The following PPP1R37 variants were observed in gnomAD, a reference collection of about 807,000 sequenced individuals.
The protein encoded by PPP1R37 is protein phosphatase 1 regulatory subunit 37.
In PPP1R37, 21 loss-of-function variants were observed where a neutral mutation model predicts 61.0. That is an observed-to-expected ratio of 0.34 (90% CI 0.24 to 0.50). The LOEUF (loss-of-function observed/expected upper bound fraction) is 0.50, where lower values mean the gene tolerates loss of function less well. Ranked by LOEUF, PPP1R37 falls within the 20% of genes least tolerant of loss-of-function variation. The pLI is 0.98. For missense variants in PPP1R37, 910 were observed against 952.7 expected, an observed-to-expected ratio of 0.96 and a Z score of 0.59; for synonymous variants, 443 against 433.5, an observed-to-expected ratio of 1.02 and a Z score of -0.27.
At chr19:45,097,622 G>C (rs541297202) in intron 1 of PPP1R37, among the ~76,000 whole-genome samples, 3 of 152,014 alleles carry the variant, frequency 2.0e-5, no homozygotes, top group Non-Finnish European at 4.4e-5. Context: ...GTGAGGGAGG[G>C]TCTCGAGCCT....
intron 1 of PPP1R37, among the ~76,000 whole-genome samples, chr19:45,096,784 T>C (rs1967998768): frequency 6.6e-6 from 1 of 152,060 alleles, no homozygotes. Flanking sequence ...ACTCACACTC[T>C]CGAGGAGTCC....
At chr19:45,143,739 C>T (rs1968644843) in intron 8 of PPP1R37, 106 bp downstream of exon 8, 1 of 623,048 alleles carries the variant, frequency 1.6e-6, no homozygotes, top group Non-Finnish European at 2.8e-6. Flanking sequence ...TCCTGCCCAT[C>T]CTGCAGGTTC....
At chr19:45,099,503 C>T (rs1188023923) in intron 1 of PPP1R37, among the ~76,000 whole-genome samples, 1 of 152,200 alleles carries the variant, frequency 6.6e-6, no homozygotes, top group East Asian at 1.9e-4. Flanking sequence ...ACCACCCCAG[C>T]CCCCTGCCCT....
rs566513854 is a variant in PPP1R37 at position 45,121,779 on chromosome 19, A to G, written c.203-16735A>G. On this transcript the variant is annotated intron_variant, in intron 1 of 12. Transcript: ENST00000221462. The surrounding 1 kb of genome is among the most constrained non-coding windows in gnomAD (Gnocchi z 4.2). ...TGGACTTAGAAATCTGGGTTTGACT[A>G]CATATCAGGCTGCCCTGGGGCCCCT... 1.3e-5 allele frequency among the ~76,000 whole-genome samples: 2 copies of G among 152,308 alleles called. No individual in the cohort carries two copies. The highest frequency in any genetic ancestry group is 4.1e-4 in the South Asian group (2 of 4,824).
intron 1 of PPP1R37, among the ~76,000 whole-genome samples, chr19:45,117,795 A>C (rs576073029): frequency 6.6e-6 from 1 of 152,310 alleles, no homozygotes; most frequent in Admixed American, 6.5e-5. Flanking sequence ...ATGAGGCCGC[A>C]GAGTTAGTCT....
Position 45,121,686 on chromosome 19 carries a change from G to A in PPP1R37, c.203-16828G>A, listed in dbSNP as rs900849505. On this transcript the variant is annotated intron_variant, in intron 1 of 12. Coordinates refer to ENST00000221462, the MANE Select transcript of PPP1R37 (RefSeq NM_019121.2). This position sits in a 1 kb window ranked among gnomAD's most constrained non-coding sequence, Gnocchi z 4.2. ...GGCTGGTGTGAGCCCTGCTCTTGAG[G>A]GGCCTCTGGATGCCCGCGGTGGGGT... is the stretch of plus-strand genomic sequence containing the variant. Among the ~76,000 whole-genome samples the A allele has an allele frequency of 6.6e-6, 1 of 152,226 alleles. No homozygotes were observed. Among genetic ancestry groups the A allele is most frequent in the Admixed American group, 6.5e-5 (1 of 15,284 alleles).
At chr19:45,131,109 T>G (rs1389717495) in intron 1 of PPP1R37, among the ~76,000 whole-genome samples, 1 of 152,148 alleles carries the variant, frequency 6.6e-6, no homozygotes, top group Non-Finnish European at 1.5e-5. Context: ...CAGACAGACA[T>G]CTCTCTGCCT....
At chr19:45,100,761 CAG>C (rs2081616771) in intron 1 of PPP1R37, among the ~76,000 whole-genome samples, 1 of 151,476 alleles carries the variant, frequency 6.6e-6, no homozygotes, top group South Asian at 2.1e-4. Context: ...GGAGGAGAAA[CAG>C]AAACAGGTGG....
At chr19:45,102,537 G>A (rs1444592440) in intron 1 of PPP1R37, among the ~76,000 whole-genome samples, 4 of 152,206 alleles carry the variant, frequency 2.6e-5, no homozygotes, top group Non-Finnish European at 4.4e-5. Context: ...TGAGTGAGGT[G>A]GTCACTGCCT....
intron 1 of PPP1R37, among the ~76,000 whole-genome samples, chr19:45,111,242 C>T (rs576600516): frequency 6.7e-6 from 1 of 150,302 alleles, no homozygotes; most frequent in South Asian, 2.1e-4. Context: ...ACTCTTCTCC[C>T]TCCCTTCTGC....
At chr19:45,114,219 C>T (rs1336363675) in intron 1 of PPP1R37, among the ~76,000 whole-genome samples, 3 of 152,272 alleles carry the variant, frequency 2.0e-5, no homozygotes, top group Non-Finnish European at 4.4e-5. Flanking sequence ...GGGCCAGAAT[C>T]CACCTGGGGC....
At chr19:45,114,465 C>G (rs1352116684) in intron 1 of PPP1R37, among the ~76,000 whole-genome samples, 1 of 148,236 alleles carries the variant, frequency 6.7e-6, no homozygotes, top group Admixed American at 6.6e-5. Flanking sequence ...CCGGGCAGCT[C>G]ATGCAGGCTT....
chr19:45,141,295 G>T (rs1449296145), intron 4 of PPP1R37, 27 bp from the exon 5 acceptor site: 2 of 1,527,426 alleles, frequency 1.3e-6, no homozygotes, highest in East Asian at 4.9e-5. Flanking sequence ...CAGAGCTGAG[G>T]CTGAGCCCCC....
intron 1 of PPP1R37, among the ~76,000 whole-genome samples, chr19:45,098,958 G>A (rs1222485527): frequency 6.6e-6 from 1 of 152,130 alleles, no homozygotes; most frequent in Non-Finnish European, 1.5e-5. Flanking sequence ...TGACTTTGGC[G>A]ATTGTTCTCT....
chr19:45,110,626 C>T (rs1377855975), intron 1 of PPP1R37, among the ~76,000 whole-genome samples: 1 of 152,072 alleles, frequency 6.6e-6, no homozygotes, highest in Non-Finnish European at 1.5e-5. Flanking sequence ...GTTTTGTTCA[C>T]GGCTGTCTGC....
intron 1 of PPP1R37, among the ~76,000 whole-genome samples, chr19:45,114,255 T>C (rs571362607): frequency 2.6e-5 from 4 of 152,362 alleles, no homozygotes; most frequent in African/African-American, 7.2e-5. Flanking sequence ...AGGGTGTTCA[T>C]TGGATGGAGG....
In PPP1R37 at chr19:45,145,269, G is replaced by A. The variant is rs1444789485; in HGVS notation, c.1296+9G>A. 10 of 1,529,258 alleles carry A rather than the reference G, an allele frequency of 6.5e-6. No individual in the cohort carries two copies. The highest frequency in any genetic ancestry group is 1.2e-5 in the South Asian group (1 of 83,240). 94.7% of individuals were successfully genotyped at this position (1,529,258 alleles called of 1,614,324 possible). A position where few individuals can be genotyped will look rare whatever the true frequency, so the allele number is the denominator to read the frequency against. ...AACCCAAGAAAGAGGCGGTGAGCAG[G>A]GGACGGTCCTGCAGCCCTGGGGCGG... On this transcript the variant is annotated intron_variant, in intron 10 of 12. Coordinates refer to ENST00000221462, the MANE Select transcript of PPP1R37 (RefSeq NM_019121.2).
intron 1 of PPP1R37, among the ~76,000 whole-genome samples, chr19:45,135,560 G>A: frequency 6.6e-6 from 1 of 152,216 alleles, no homozygotes; most frequent in South Asian, 2.1e-4. Context: ...AGAGTTGAGA[G>A]TGGCTCCAGA....
intron 1 of PPP1R37, among the ~76,000 whole-genome samples, chr19:45,120,260 G>A (rs1045784113): frequency 1.5e-4 from 23 of 152,038 alleles, no homozygotes; most frequent in African/African-American, 4.3e-4. Context: ...CTTGTGATCC[G>A]CCCACCTTAG....
Sources: allele counts gnomAD v4.1 joint callset (sites outside exome capture counted in the v4.1 genomes callset), GRCh38; gene constraint gnomAD v4.1.1; non-coding constraint Gnocchi (gnomAD v3.1); transcripts MANE v1.5; gene names NCBI Gene and HGNC (gene_info 2026-07-23, HGNC 2026-07-21).